The following RAB3GAP2 variants were observed in gnomAD, a reference collection of about 807,000 sequenced individuals.
The protein encoded by RAB3GAP2 is RAB3 GTPase activating non-catalytic protein subunit 2.
A neutral mutation model predicts 185.3 loss-of-function variants in RAB3GAP2; 87 were observed. The observed-to-expected ratio is 0.47, with a 90% CI of 0.39 to 0.56. The LOEUF (loss-of-function observed/expected upper bound fraction) is 0.56, where lower values mean the gene tolerates loss of function less well. Ranked by LOEUF, RAB3GAP2 falls within the 20% of genes least tolerant of loss-of-function variation. The probability of loss-of-function intolerance (pLI) is 0.00; values close to 1 mark genes in which losing one functional copy is unlikely to be tolerated. For missense variants in RAB3GAP2, 1,492 were observed against 1,638.2 expected (o/e 0.91, Z 1.54); for synonymous variants, 554 against 576.1 (o/e 0.96, Z 0.55).
intron 3 of RAB3GAP2, 108 bp downstream of exon 3, chr1:220,213,748 G>C (rs1659129326): frequency 6.7e-6 from 7 of 1,046,372 alleles, no homozygotes; most frequent in Non-Finnish European, 8.2e-6. Flanking sequence ...GGGGGGGAGA[G>C]AGAGAGAAAT....
At chr1:220,266,607 T>C in intron 1 of RAB3GAP2, 1 of 1,066,038 alleles carries the variant, frequency 9.4e-7, no homozygotes, top group Non-Finnish European at 1.4e-6. Flanking sequence ...TGTTCTAGAT[T>C]GAGGGCAGCA....
chr1:220,232,698 C>T (rs1659523024), intron 2 of RAB3GAP2, 101 bp downstream of exon 2: 2 of 1,085,210 alleles, frequency 1.8e-6, no homozygotes, highest in Admixed American at 3.5e-5. Flanking sequence ...ATATTCTTGA[C>T]ATCGAATTTA....
At chr1:220,260,666 G>A (rs1660118599) in intron 1 of RAB3GAP2, among the ~76,000 whole-genome samples, 1 of 152,046 alleles carries the variant, frequency 6.6e-6, no homozygotes. Context: ...GGGTGATGGG[G>A]TGATCTGTGC....
Position 220,148,856 on chromosome 1 carries a change from A to AGTT in RAB3GAP2, c.*2392_*2394dup, listed in dbSNP as rs1383187015. The stretch of plus-strand genomic sequence containing the variant: ...ATCTAAACAGAACCTGTAATGTAGA[A>AGTT]GTTATGATTATTTGAACACTTTTTG... On this transcript the variant is annotated 3_prime_UTR_variant, in exon 35 of 35. Transcript: ENST00000358951. The AGTT allele has an allele frequency of 6.6e-6, 1 of 151,552 alleles. No individual in the cohort carries two copies. Among genetic ancestry groups the AGTT allele is most frequent in the Admixed American group, 6.7e-5 (1 of 15,014 alleles). The allele number at this position is 151,552 out of a possible 1,614,324, so 9.4% of individuals were successfully genotyped here.
intron 17 of RAB3GAP2, 102 bp downstream of exon 17, chr1:220,189,601 C>G: frequency 3.8e-4 from 398 of 1,060,514 alleles, no homozygotes; most frequent in Non-Finnish European, 4.5e-4. Context: ...GAAAAGAAGA[C>G]TTCAGCCTCT....
intron 32 of RAB3GAP2, 153 bp from the exon 33 acceptor site, chr1:220,153,559 G>T: frequency 1.5e-6 from 1 of 647,966 alleles, no homozygotes; most frequent in Non-Finnish European, 2.7e-6. Flanking sequence ...TAAACAACTA[G>T]CTCTCAAGAA....
chr1:220,197,401 T>C (rs912420726), intron 9 of RAB3GAP2, among the ~76,000 whole-genome samples: 6 of 152,200 alleles, frequency 3.9e-5, no homozygotes, highest in African/African-American at 1.4e-4. Context: ...AGACGTGTCC[T>C]AGGAAAGGAA....
In RAB3GAP2 at chr1:220,172,654, A is replaced by G. The variant is rs1331854589; in HGVS notation, c.2399T>C (p.Leu800Pro). ...SICCLHTMLS[L>P]LSKMKVAIDE... is the part of the protein sequence containing the mutation. ...TTGTTTACCTTTCATCTTGCTCAGGAGGGACAGCATGGTATGAAGACAGCA... is the reference window on the plus strand; with the variant it reads ...TTGTTTACCTTTCATCTTGCTCAGGGGGGACAGCATGGTATGAAGACAGCA... The change falls in exon 22 of 35, where the codon CTC (leucine) becomes CCC (proline). Residue 800 changes from leucine (L) to proline (P), a missense_variant. By Grantham distance (98) the Leu-to-Pro change is moderately conservative (BLOSUM62 -3). Around this residue, in one of 5 missense-constraint regions of RAB3GAP2, gnomAD observed 681 missense variants for 689.1 expected, o/e 0.99. Coordinates refer to ENST00000358951, the MANE Select transcript of RAB3GAP2 (RefSeq NM_012414.4). 1 of 1,610,148 alleles carries G rather than the reference A, an allele frequency of 6.2e-7. No homozygotes were observed. Among genetic ancestry groups the G allele is most frequent in the South Asian group, 1.1e-5 (1 of 91,014 alleles).
chr1:220,159,446 T>TA (rs1657921265), intron 28 of RAB3GAP2, 25 bp from the exon 29 acceptor site: 3 of 1,496,998 alleles, frequency 2.0e-6, no homozygotes, highest in Non-Finnish European at 9.3e-7. Flanking sequence ...TAAAATGTTG[T>TA]AACATTTAAT....
chr1:220,166,651 C>T (rs577761031), intron 26 of RAB3GAP2, among the ~76,000 whole-genome samples: 56 of 152,274 alleles, frequency 3.7e-4, no homozygotes, highest in African/African-American at 1.3e-3. Flanking sequence ...TGTGAATGTC[C>T]TGGTAGAAAC....
At chr1:220,152,851 C>T (rs1336796689) in intron 33 of RAB3GAP2, among the ~76,000 whole-genome samples, 9 of 152,200 alleles carry the variant, frequency 5.9e-5, no homozygotes, top group African/African-American at 1.9e-4. Context: ...CCACGACACC[C>T]GGCCCTCTTT....
At chr1:220,209,937 T>C (rs1231301010) in intron 7 of RAB3GAP2, among the ~76,000 whole-genome samples, 1 of 152,214 alleles carries the variant, frequency 6.6e-6, no homozygotes, top group Non-Finnish European at 1.5e-5. Flanking sequence ...AATATATGTA[T>C]TTTCCACTAT....
At chr1:220,226,977 C>G (rs1659414182) in intron 2 of RAB3GAP2, among the ~76,000 whole-genome samples, 1 of 152,172 alleles carries the variant, frequency 6.6e-6, no homozygotes, top group African/African-American at 2.4e-5. Context: ...GAGGACACAG[C>G]AAGAAAGCAG....
At chr1:220,217,708 C>T (rs186798378) in intron 2 of RAB3GAP2, among the ~76,000 whole-genome samples, 433 of 152,296 alleles carry the variant, frequency 2.8e-3, no homozygotes, top group Admixed American at 6.0e-3. Context: ...TCTATTCTTA[C>T]ACCTGAAACT....
chr1:220,195,230 CA>C, intron 11 of RAB3GAP2, 63 bp from the exon 12 acceptor site: 1 of 1,602,046 alleles, frequency 6.2e-7, no homozygotes, highest in Non-Finnish European at 8.6e-7. Context: ...TGCAAACTAT[CA>C]AAATATAAGT....
chr1:220,219,018 T>C (rs1395939001), intron 2 of RAB3GAP2, among the ~76,000 whole-genome samples: 1 of 152,186 alleles, frequency 6.6e-6, no homozygotes, highest in Non-Finnish European at 1.5e-5. Context: ...TAAAAATGTA[T>C]TGTTTTAAGC....
chr1:220,261,309 G>A (rs770041105), intron 1 of RAB3GAP2, among the ~76,000 whole-genome samples: 5 of 152,072 alleles, frequency 3.3e-5, no homozygotes, highest in Admixed American at 6.5e-5. Flanking sequence ...TTCATTCAAG[G>A]TCTCAATAGT....
At position 220,162,666 on chromosome 1, in the gene RAB3GAP2, T is replaced by C. The variant is rs190496254; in HGVS notation, c.3155-398A>G. Among the ~76,000 whole-genome samples the C allele has an allele frequency of 2.8e-4, 43 of 152,324 alleles. No homozygotes were observed. In the East Asian group the frequency reaches 5.6e-3, roughly 20 times the overall value. On this transcript the variant is annotated intron_variant, in intron 27 of 34. Coordinates refer to ENST00000358951, the MANE Select transcript of RAB3GAP2 (RefSeq NM_012414.4). ...ATGCATTACTGGTGGTATAATAATT[T>C]GGTAAAACCACAGGGAAAACTGCTG...
chr1:220,216,848 T>C (rs1659210067), intron 2 of RAB3GAP2, among the ~76,000 whole-genome samples: 4 of 152,198 alleles, frequency 2.6e-5, no homozygotes, highest in Admixed American at 2.6e-4. Flanking sequence ...AAACTATGTT[T>C]AATCAGTAAA....
Sources: allele counts gnomAD v4.1 joint callset (sites outside exome capture counted in the v4.1 genomes callset), GRCh38; gene constraint gnomAD v4.1.1; regional missense constraint gnomAD v4.1.1; transcripts MANE v1.5; gene names NCBI Gene and HGNC (gene_info 2026-07-23, HGNC 2026-07-21).